Variants in SORL1 observed in about 807,000 individuals in gnomAD.
SORL1 encodes sortilin-related receptor.
In SORL1, 127 loss-of-function variants were observed where a neutral mutation model predicts 273.7. That is an observed-to-expected ratio of 0.46 (90% CI 0.40 to 0.54). The LOEUF (loss-of-function observed/expected upper bound fraction) is 0.54. Ranked by LOEUF, SORL1 falls within the 20% of genes least tolerant of loss-of-function variation. SORL1 has a pLI of 0.00. For missense variants in SORL1, 2,494 were observed against 2,846.1 expected, an observed-to-expected ratio of 0.88 and a Z score of 2.81; for synonymous variants, 1,031 against 1,067.4, an observed-to-expected ratio of 0.97 and a Z score of 0.66.
At chr11:121,513,217 T>C in intron 7 of SORL1, 113 bp downstream of exon 7, 1 of 787,254 alleles carries the variant, frequency 1.3e-6, no homozygotes, top group Middle Eastern at 2.8e-4. Context: ...GGCGCCTCCC[T>C]GAAGTCAGGT....
chr11:121,599,235 A>AAATG (rs1420202194), intron 32 of SORL1, among the ~76,000 whole-genome samples: 4 of 152,230 alleles, frequency 2.6e-5, no homozygotes, highest in African/African-American at 7.2e-5. Flanking sequence ...ATAAATAAAT[A>AAATG]AATGAATCTA....
At chr11:121,529,249 C>T (rs931591911) in intron 11 of SORL1, among the ~76,000 whole-genome samples, 1 of 152,126 alleles carries the variant, frequency 6.6e-6, no homozygotes, top group African/African-American at 2.4e-5. Flanking sequence ...TGGTGTCTTA[C>T]TCTGTCACCC....
At chr11:121,538,247 C>A (rs626885) in intron 12 of SORL1, among the ~76,000 whole-genome samples, 1 of 151,270 alleles carries the variant, frequency 6.6e-6, no homozygotes, top group Non-Finnish European at 1.5e-5. Context: ...TTGACTACAC[C>A]ATTTAATCAG....
At chr11:121,584,513 C>CT (rs199533043) in intron 26 of SORL1, among the ~76,000 whole-genome samples, 1 of 140,852 alleles carries the variant, frequency 7.1e-6, no homozygotes, top group East Asian at 2.9e-4. Context: ...CATTTTCATA[C>CT]TTATACCTAA....
chr11:121,512,204 G>A (rs929479388), intron 6 of SORL1, among the ~76,000 whole-genome samples: 1 of 152,176 alleles, frequency 6.6e-6, no homozygotes, highest in Non-Finnish European at 1.5e-5. Flanking sequence ...TTACAGGGTT[G>A]CTGGACCATT....
chr11:121,467,030 CTTTTTT>C lies in SORL1; in HGVS notation c.286-2965_286-2960del, dbSNP rs58596501. 3.9e-4 allele frequency among the ~76,000 whole-genome samples: 49 copies of C among 125,294 alleles called. No individual in the cohort carries two copies. The East Asian group carries it at 0.011, about 27-fold the overall frequency. The allele number at this position is 125,294 out of a possible 152,430, so 82.2% of individuals were successfully genotyped here. A position where few individuals can be genotyped will look rare whatever the true frequency, so the allele number is the denominator to read the frequency against. Reference sequence around the variant, plus strand: ...TGCCTTCTAGAGGTTTTCTTTTTTTCTTTTTTTTTTTTTTTTTGAGGTGGAGTCTCG... The same window carrying C: ...TGCCTTCTAGAGGTTTTCTTTTTTTCTTTTTTTTTTTGAGGTGGAGTCTCG... On this transcript the variant is annotated intron_variant, in intron 1 of 47. Transcript: ENST00000260197.
rs769177869 is a variant in SORL1 at position 121,589,269 on chromosome 11, TG to T, written c.3958del (p.Glu1320SerfsTer21). The T allele has an allele frequency of 3.7e-6, 6 of 1,612,272 alleles. No homozygotes were observed. Among genetic ancestry groups the T allele is most frequent in the Non-Finnish European group, 5.1e-6 (6 of 1,178,350 alleles). On this transcript the variant is annotated frameshift_variant, in exon 29 of 48. Transcript: ENST00000260197. LOFTEE classifies it high-confidence loss of function. The part of the protein sequence containing the change: ...AAFAGCSQDP[E>X]FHKVCDEFGF... ...TTGTTCCCTCTGTAGCCCAAGATCC[TG>T]AGTTCCACAAGGTATGTGATGAGTT...
intron 8 of SORL1, among the ~76,000 whole-genome samples, chr11:121,518,973 G>T (rs1422999797): frequency 1.4e-5 from 2 of 147,706 alleles, no homozygotes; most frequent in African/African-American, 5.0e-5. Context: ...TTTTGAGTTG[G>T]AGTCTCGCTC....
intron 42 of SORL1, 142 bp downstream of exon 42, chr11:121,619,035 G>C (rs1863682879): frequency 1.2e-6 from 1 of 824,068 alleles, no homozygotes; most frequent in Non-Finnish European, 1.9e-6. Context: ...TTCTTCATAA[G>C]CATCATCAGG....
chr11:121,627,380 G>A lies in SORL1; in HGVS notation c.6365-175G>A. The A allele has an allele frequency of 1.6e-6, 1 of 618,490 alleles. No individual in the cohort carries two copies. The highest frequency in any genetic ancestry group is 2.9e-6 in the Non-Finnish European group (1 of 346,618). 38.3% of individuals were successfully genotyped at this position (618,490 alleles called of 1,614,324 possible). The stretch of plus-strand genomic sequence containing the variant: ...CCCTTGGTCTATCAGCTCATGGCAA[G>A]TAGTGGGGAAGCAATCAGGCATCAC... On this transcript the variant is annotated intron_variant, in intron 46 of 47. Coordinates refer to ENST00000260197, the MANE Select transcript of SORL1 (RefSeq NM_003105.6). The surrounding 1 kb of genome is among the most constrained non-coding windows in gnomAD (Gnocchi z 4.9).
At chr11:121,474,791 C>T (rs944033218) in intron 2 of SORL1, among the ~76,000 whole-genome samples, 3 of 152,218 alleles carry the variant, frequency 2.0e-5, no homozygotes, top group African/African-American at 4.8e-5. Flanking sequence ...GAAAAGACAG[C>T]TAGAAAGGAA....
In SORL1 at chr11:121,511,181, A is replaced by AT. The variant is rs750109474; in HGVS notation, c.940-1812dup. Reference sequence around the variant, plus strand: ...GGTAGTGGGATCGATGCATTTTGAGATTTTTTTTTTGATGATTGTAGTATT... The same window carrying AT: ...GGTAGTGGGATCGATGCATTTTGAGATTTTTTTTTTTGATGATTGTAGTATT... On this transcript the variant is annotated intron_variant, in intron 6 of 47. Transcript: ENST00000260197. Among the ~76,000 whole-genome samples the AT allele has an allele frequency of 1.2e-3, 187 of 149,962 alleles. No homozygotes were observed. The East Asian group carries it at 0.021, about 17-fold the overall frequency.
At position 121,596,982 on chromosome 11, in the gene SORL1, T is replaced by G. The variant is rs374598168; in HGVS notation, c.4519+1210T>G. 3.7e-4 allele frequency among the ~76,000 whole-genome samples: 57 copies of G among 152,150 alleles called. No homozygotes were observed. The highest frequency in any genetic ancestry group is 1.3e-3 in the African/African-American group (53 of 41,426). ...TCCTCTAATTCAGTATTTACAAAAT[T>G]TATGGGACTTAGCAGGATCATGTGG... On this transcript the variant is annotated intron_variant, in intron 32 of 47. Coordinates refer to ENST00000260197, the MANE Select transcript of SORL1 (RefSeq NM_003105.6). The surrounding 1 kb of genome is among the most constrained non-coding windows in gnomAD (Gnocchi z 4.3).
rs570401088 is a variant in SORL1 at position 121,630,661 on chromosome 11, A to G, written c.*1098A>G. Reference sequence around the variant, plus strand: ...TCCTCTTCTTCCATCTCCCTCACCCATGCCCCCACCCAATCTAAAGAGACA... The same window carrying G: ...TCCTCTTCTTCCATCTCCCTCACCCGTGCCCCCACCCAATCTAAAGAGACA... On this transcript the variant is annotated 3_prime_UTR_variant, in exon 48 of 48. Coordinates refer to ENST00000260197, the MANE Select transcript of SORL1 (RefSeq NM_003105.6). 3 of 152,048 alleles carry G rather than the reference A, an allele frequency of 2.0e-5. No homozygotes were observed. The East Asian group carries it at 5.8e-4, about 29-fold the overall frequency. 9.4% of individuals were successfully genotyped at this position (152,048 alleles called of 1,614,324 possible).
chr11:121,533,047 G>A (rs144711807), intron 12 of SORL1, among the ~76,000 whole-genome samples: 22 of 152,258 alleles, frequency 1.4e-4, no homozygotes, highest in Non-Finnish European at 3.2e-4. Context: ...CACAAAGGGA[G>A]ATTGTGAGCA....
chr11:121,498,590 G>T (rs946379419), intron 6 of SORL1, among the ~76,000 whole-genome samples: 7 of 152,006 alleles, frequency 4.6e-5, no homozygotes, highest in African/African-American at 7.2e-5. Context: ...TTATATCCCA[G>T]CTGGGCCGGG....
chr11:121,509,960 A>C (rs781620151), intron 6 of SORL1, among the ~76,000 whole-genome samples: 36 of 152,332 alleles, frequency 2.4e-4, no homozygotes, highest in African/African-American at 8.2e-4. Context: ...CATGATAGCT[A>C]TCAAAAATAC....
chr11:121,599,410 G>A (rs1011740832), intron 32 of SORL1, among the ~76,000 whole-genome samples: 53 of 152,220 alleles, frequency 3.5e-4, no homozygotes, highest in South Asian at 2.1e-4. Flanking sequence ...TGGGCATGGC[G>A]GCGCATGCCT....
chr11:121,586,297 A>G lies in SORL1; in HGVS notation c.3782A>G (p.Asp1261Gly), dbSNP rs1301666027. ...PSSKHCDGLR[D>G]CSDGSDEQHC... is the part of the protein sequence containing the mutation. ...AGCAAACATTGTGATGGTCTGCGTGATTGCTCTGATGGCTCCGATGAACAG... is the reference window on the plus strand; with the variant it reads ...AGCAAACATTGTGATGGTCTGCGTGGTTGCTCTGATGGCTCCGATGAACAG... Residue 1261 changes from aspartate (D) to glycine (G), a missense_variant, in exon 27 of 48, where the codon GAT becomes GGT. Asp to Gly is a moderately conservative substitution (Grantham distance 94). Coordinates refer to ENST00000260197, the MANE Select transcript of SORL1 (RefSeq NM_003105.6). 6.2e-7 allele frequency: 1 copy of G among 1,614,130 alleles called. No homozygotes were observed. Among genetic ancestry groups the G allele is most frequent in the Non-Finnish European group, 8.5e-7 (1 of 1,179,970 alleles).
Sources: gnomAD v4.1 joint callset for allele counts (sites outside exome capture counted in the v4.1 genomes callset) on GRCh38, gnomAD v4.1.1 for gene constraint, Gnocchi (gnomAD v3.1) non-coding constraint, MANE v1.5 for transcripts, NCBI Gene and HGNC (gene_info 2026-07-23, HGNC 2026-07-21) for gene names.